Variants in KIRREL3 observed in about 807,000 individuals in gnomAD.
KIRREL3 encodes kin of IRRE-like protein 3.
KIRREL3 carries 36 observed loss-of-function variants against 89.7 expected under a neutral mutation model. The ratio of observed to expected loss-of-function variants is 0.40; its 90% CI spans 0.31 to 0.53. The LOEUF is 0.53. KIRREL3 is among the 20% of genes least tolerant of loss of function. The pLI, the probability that KIRREL3 is intolerant of heterozygous loss-of-function variation, is 0.49. For missense variants in KIRREL3, 864 were observed against 1,056.6 expected (o/e 0.82, Z 2.53); for synonymous variants, 445 against 441.4 (o/e 1.01, Z -0.10).
rs1476786611 is a variant in KIRREL3 at position 126,805,399 on chromosome 11, T to TATAA, written c.55+195055_55+195056insTTAT. ...AGATTTAATTACTCAGATGCTCTTA[T>TATAA]GCTCCTCAAAGGTCCTAGTGCACCT... On this transcript the variant is annotated intron_variant, in intron 1 of 16. Transcript: ENST00000525144. This position sits in a 1 kb window ranked among gnomAD's most constrained non-coding sequence, Gnocchi z 4.3. 6.6e-6 allele frequency among the ~76,000 whole-genome samples: 1 copy of TATAA among 152,170 alleles called. No individual in the cohort carries two copies. The highest frequency in any genetic ancestry group is 2.4e-5 in the African/African-American group (1 of 41,450).
At position 126,837,303 on chromosome 11, in the gene KIRREL3, T is replaced by C. The variant is rs1302629739; in HGVS notation, c.55+163152A>G. 3.3e-5 allele frequency among the ~76,000 whole-genome samples: 5 copies of C among 152,200 alleles called. No homozygotes were observed. Among genetic ancestry groups the C allele is most frequent in the Non-Finnish European group, 7.3e-5 (5 of 68,038 alleles). On this transcript the variant is annotated intron_variant, in intron 1 of 16. Transcript: ENST00000525144. The surrounding 1 kb of genome is among the most constrained non-coding windows in gnomAD (Gnocchi z 4.7). ...CTCTGTGTCTGACAGCTAGTAAATG[T>C]TCAATACAAATTAATCTCCTTTCTT...
In KIRREL3 at chr11:126,912,127, TGTC is replaced by T. The variant is rs1946847670; in HGVS notation, c.55+88325_55+88327del. Among the ~76,000 whole-genome samples the T allele has an allele frequency of 6.6e-6, 1 of 152,022 alleles. No homozygotes were observed. Among genetic ancestry groups the T allele is most frequent in the African/African-American group, 2.4e-5 (1 of 41,382 alleles). Reference sequence around the variant, plus strand: ...ACCCCTGGCAGTCTGGAAGCCTAGATGTCGTGAATCAAGCCTCTGGCAAGGACA... The same window carrying T: ...ACCCCTGGCAGTCTGGAAGCCTAGATGTGAATCAAGCCTCTGGCAAGGACA... On this transcript the variant is annotated intron_variant, in intron 1 of 16. Coordinates refer to ENST00000525144, the MANE Select transcript of KIRREL3 (RefSeq NM_032531.4). The surrounding 1 kb of genome is among the most constrained non-coding windows in gnomAD (Gnocchi z 4.7).
In KIRREL3 at chr11:127,000,483, G is replaced by A; in HGVS notation, c.27C>T (p.Leu9=). ...GACTGAAGAGGAAGAAGCAGACGAAGAGCAGATCGAGCTGGAAGGGTTTCA... is the reference window on the plus strand; with the variant it reads ...GACTGAAGAGGAAGAAGCAGACGAAAAGCAGATCGAGCTGGAAGGGTTTCA... The part of the protein sequence containing the change: MKPFQLDL[L]FVCFFLFSQE... Residue 9 remains leucine (L), a synonymous_variant, in exon 1 of 17, where the codon CTC becomes CTT. Coordinates refer to ENST00000525144, the MANE Select transcript of KIRREL3 (RefSeq NM_032531.4). This position sits in a 1 kb window ranked among gnomAD's most constrained non-coding sequence, Gnocchi z 7.1. 1 of 1,608,380 alleles carries A rather than the reference G, an allele frequency of 6.2e-7. No individual in the cohort carries two copies. The highest frequency in any genetic ancestry group is 8.5e-7 in the Non-Finnish European group (1 of 1,177,442).
chr11:126,831,130 G>C (rs996941426), intron 1 of KIRREL3, among the ~76,000 whole-genome samples: 1 of 152,128 alleles, frequency 6.6e-6, no homozygotes, highest in South Asian at 2.1e-4. Flanking sequence ...TATAAAACAG[G>C]GACAGTGATA....
chr11:126,522,163 G>A lies in KIRREL3; in HGVS notation c.284-699C>T, dbSNP rs545122527. Among the ~76,000 whole-genome samples, 7 of 152,284 alleles carry A rather than the reference G, an allele frequency of 4.6e-5. No homozygotes were observed. In the South Asian group the frequency reaches 1.5e-3, roughly 32 times the overall value. ...CAGACACCGCTGGCTTATTATTCTG[G>A]AAAGTGGTGTGCTCAGCACTGTGGT... On this transcript the variant is annotated intron_variant, in intron 3 of 16. Coordinates refer to ENST00000525144, the MANE Select transcript of KIRREL3 (RefSeq NM_032531.4). This position sits in a 1 kb window ranked among gnomAD's most constrained non-coding sequence, Gnocchi z 6.0.
At position 126,431,528 on chromosome 11, in the gene KIRREL3, T is replaced by C; in HGVS notation, c.1589-2A>G. The C allele has an allele frequency of 6.2e-7, 1 of 1,613,432 alleles. No individual in the cohort carries two copies. Among genetic ancestry groups the C allele is most frequent in the Non-Finnish European group, 8.5e-7 (1 of 1,179,670 alleles). The stretch of plus-strand genomic sequence containing the variant: ...TGATGACGGCCATCGGCACAGACTC[T>C]GTGGGAGAGAAGCGGGCACAGCTGA... On this transcript the variant is annotated splice_acceptor_variant, in intron 13 of 16. Transcript: ENST00000525144. LOFTEE classifies it high-confidence loss of function. The surrounding 1 kb of genome is among the most constrained non-coding windows in gnomAD (Gnocchi z 7.1).
At position 126,491,116 on chromosome 11, in the gene KIRREL3, C is replaced by T. The variant is rs1273126417; in HGVS notation, c.434-17650G>A. On this transcript the variant is annotated intron_variant, in intron 4 of 16. Coordinates refer to ENST00000525144, the MANE Select transcript of KIRREL3 (RefSeq NM_032531.4). The surrounding 1 kb of genome is among the most constrained non-coding windows in gnomAD (Gnocchi z 5.5). Reference sequence around the variant, plus strand: ...AATCCTGAAACCGGAATCCCAAAGACAAGCCCTGAGTCTCCAGGCCACCAC... The same window carrying T: ...AATCCTGAAACCGGAATCCCAAAGATAAGCCCTGAGTCTCCAGGCCACCAC... Among the ~76,000 whole-genome samples the T allele has an allele frequency of 6.6e-6, 1 of 152,214 alleles. No homozygotes were observed. The highest frequency in any genetic ancestry group is 1.5e-5 in the Non-Finnish European group (1 of 68,034).
rs1308026616 is a variant in KIRREL3, at chr11:126,642,827, T to G, written c.56-79915A>C. ...ATTTTGTATGTGCAAAATTCTGAACTGTACATCCAGTTGAACAAAGTAAAC... is the reference window on the plus strand; with the variant it reads ...ATTTTGTATGTGCAAAATTCTGAACGGTACATCCAGTTGAACAAAGTAAAC... On this transcript the variant is annotated intron_variant, in intron 1 of 16. Transcript: ENST00000525144. The surrounding 1 kb of genome is among the most constrained non-coding windows in gnomAD (Gnocchi z 4.9). Among the ~76,000 whole-genome samples, 2 of 152,236 alleles carry G rather than the reference T, an allele frequency of 1.3e-5. No homozygotes were observed. The highest frequency in any genetic ancestry group is 4.8e-5 in the African/African-American group (2 of 41,464).
intron 1 of KIRREL3, among the ~76,000 whole-genome samples, chr11:126,933,790 A>C (rs1167081575): frequency 6.6e-6 from 1 of 151,370 alleles, no homozygotes; most frequent in Non-Finnish European, 1.5e-5. Context: ...AAAAAAAAAA[A>C]CCAAAAACAT....
chr11:126,869,443 A>G (rs1222770617), intron 1 of KIRREL3, among the ~76,000 whole-genome samples: 11 of 152,148 alleles, frequency 7.2e-5, no homozygotes, highest in Non-Finnish European at 5.9e-5. Context: ...AGTTACTGGC[A>G]CTGGAATTGC....
intron 2 of KIRREL3, among the ~76,000 whole-genome samples, chr11:126,547,726 G>C (rs1938927191): frequency 6.6e-6 from 1 of 152,198 alleles, no homozygotes; most frequent in South Asian, 2.1e-4. Flanking sequence ...AGTGAATGGT[G>C]GGAGATTTGG....
At chr11:126,470,902 C>T (rs1810303413) in intron 5 of KIRREL3, among the ~76,000 whole-genome samples, 1 of 152,188 alleles carries the variant, frequency 6.6e-6, no homozygotes, top group Admixed American at 6.5e-5. Context: ...ACTGTAAGGC[C>T]TCATTCATCT....
chr11:126,758,923 T>C (rs1949587874), intron 1 of KIRREL3, among the ~76,000 whole-genome samples: 1 of 152,132 alleles, frequency 6.6e-6, no homozygotes, highest in Admixed American at 6.5e-5. Context: ...GAGCACTGAT[T>C]TGGGAAACAG....
intron 4 of KIRREL3, among the ~76,000 whole-genome samples, chr11:126,514,307 G>A (rs1210042925): frequency 6.6e-6 from 1 of 152,118 alleles, no homozygotes; most frequent in Non-Finnish European, 1.5e-5. Context: ...AATGAGATAC[G>A]GCACTAAGAC....
At chr11:126,775,585 C>A (rs1383364516) in intron 1 of KIRREL3, among the ~76,000 whole-genome samples, 2 of 152,150 alleles carry the variant, frequency 1.3e-5, no homozygotes, top group Non-Finnish European at 2.9e-5. Flanking sequence ...TCAGGGCCTG[C>A]CTGACTCACT....
rs1341131014 is a variant in KIRREL3 at position 126,490,881 on chromosome 11, G to C, written c.434-17415C>G. ...GCCACTGCTTCCTTCTGGAGTGCAA[G>C]GTCAGGCAGGGATGCTCATTTGCTC... On this transcript the variant is annotated intron_variant, in intron 4 of 16. Transcript: ENST00000525144. The surrounding 1 kb of genome is among the most constrained non-coding windows in gnomAD (Gnocchi z 4.2). Among the ~76,000 whole-genome samples the C allele has an allele frequency of 1.3e-5, 2 of 152,166 alleles. No individual in the cohort carries two copies. Among genetic ancestry groups the C allele is most frequent in the Non-Finnish European group, 2.9e-5 (2 of 68,032 alleles).
rs1946456560 is a variant in KIRREL3, at chr11:126,903,569, T to C, written c.55+96886A>G. Among the ~76,000 whole-genome samples the C allele has an allele frequency of 6.6e-6, 1 of 152,214 alleles. No individual in the cohort carries two copies. Among genetic ancestry groups the C allele is most frequent in the Admixed American group, 6.5e-5 (1 of 15,284 alleles). On this transcript the variant is annotated intron_variant, in intron 1 of 16. Transcript: ENST00000525144. This position sits in a 1 kb window ranked among gnomAD's most constrained non-coding sequence, Gnocchi z 4.5. ...TTATCACATTTCTGGCCTTGACTGC[T>C]GAGTTTATTACTACCCATAACCCTG...
chr11:126,838,152 A>G (rs559188258), intron 1 of KIRREL3, among the ~76,000 whole-genome samples: 27 of 152,358 alleles, frequency 1.8e-4, no homozygotes, highest in Middle Eastern at 3.4e-3. Flanking sequence ...GATTGTTAAT[A>G]TAATAGAGGT....
chr11:126,971,300 G>A (rs1384098995), intron 1 of KIRREL3, among the ~76,000 whole-genome samples: 1 of 152,126 alleles, frequency 6.6e-6, no homozygotes, highest in Admixed American at 6.6e-5. Flanking sequence ...CTCATTCAGT[G>A]CCCCAGTTTT....
Sources: gnomAD v4.1 joint callset for allele counts (sites outside exome capture counted in the v4.1 genomes callset) on GRCh38, gnomAD v4.1.1 for gene constraint, Gnocchi (gnomAD v3.1) non-coding constraint, MANE v1.5 for transcripts, NCBI Gene and HGNC (gene_info 2026-07-23, HGNC 2026-07-21) for gene names.